The following GPATCH3 variants were observed in gnomAD, a reference collection of about 807,000 sequenced individuals.
GPATCH3 encodes the protein G patch domain-containing protein 3.
GPATCH3 carries 45 observed loss-of-function variants against 53.2 expected under a neutral mutation model. That is an observed-to-expected ratio of 0.85 (90% CI 0.67 to 1.08). GPATCH3 has a LOEUF of 1.08. Among genes scored for constraint, GPATCH3 ranks in the 50% least tolerant of loss-of-function variants. The probability of loss-of-function intolerance (pLI) is 0.00; values close to 1 mark genes in which losing one functional copy is unlikely to be tolerated. For missense variants in GPATCH3, 680 were observed against 687.2 expected, an observed-to-expected ratio of 0.99 and a Z score of 0.12; for synonymous variants, 280 against 270.6, an observed-to-expected ratio of 1.03 and a Z score of -0.34.
Position 26,892,534 on chromosome 1 carries a change from A to C in GPATCH3, c.1238T>G (p.Ile413Ser). 1.9e-6 allele frequency: 3 copies of C among 1,612,194 alleles called. No homozygotes were observed. The East Asian group carries it at 6.7e-5, about 36-fold the overall frequency. The change falls in exon 6 of 7, where the codon ATT (isoleucine) becomes AGT (serine). Residue 413 changes from isoleucine (I) to serine (S), a missense_variant. Coordinates refer to ENST00000361720, the MANE Select transcript of GPATCH3 (RefSeq NM_022078.3). ...CTGCCGCTCCATCACCTTCCGCCCAATGCCCTGCAGAGTGAAGGGACAAGA... is the reference window on the plus strand; with the variant it reads ...CTGCCGCTCCATCACCTTCCGCCCACTGCCCTGCAGAGTGAAGGGACAAGA... ...VGTFERHTKGIGRKVMERQGW... is the reference protein window; with the variant it reads ...VGTFERHTKGSGRKVMERQGW...
At chr1:26,895,910 G>A (rs2081949022) in intron 2 of GPATCH3, among the ~76,000 whole-genome samples, 1 of 152,228 alleles carries the variant, frequency 6.6e-6, no homozygotes, top group African/African-American at 2.4e-5. Flanking sequence ...GATTACAGGT[G>A]TGAGCCACTG....
rs578042270 is a variant in GPATCH3, at chr1:26,894,542, A to G, written c.877-132T>C. Reference sequence around the variant, plus strand: ...TTCAGATTTCTCCAAGAAGCAGCACATATTTGGCCCCTGACCAACACGTCT... The same window carrying G: ...TTCAGATTTCTCCAAGAAGCAGCACGTATTTGGCCCCTGACCAACACGTCT... On this transcript the variant is annotated intron_variant, in intron 2 of 6. Transcript: ENST00000361720. 73 of 864,018 alleles carry G rather than the reference A, an allele frequency of 8.4e-5. No individual in the cohort carries two copies. In the African/African-American group the frequency reaches 1.0e-3, roughly 12 times the overall value. The allele number at this position is 864,018 out of a possible 1,614,324, so 53.5% of individuals were successfully genotyped here.
intron 2 of GPATCH3, among the ~76,000 whole-genome samples, chr1:26,896,635 A>G (rs1313838717): frequency 6.7e-6 from 1 of 149,776 alleles, no homozygotes; most frequent in Non-Finnish European, 1.5e-5. Context: ...CAGGAGGTGG[A>G]GGTTGCAGTG....
rs560330734 is a variant in GPATCH3 at position 26,900,094 on chromosome 1, G to A, written c.349C>T (p.Leu117Phe). 160 of 1,614,194 alleles carry A rather than the reference G, an allele frequency of 9.9e-5. No individual in the cohort carries two copies. The South Asian group carries it at 1.6e-3, about 17-fold the overall frequency. Residue 117 changes from leucine (L) to phenylalanine (F), a missense_variant, in exon 1 of 7, where the codon CTT becomes TTT. Leu to Phe is a conservative substitution (Grantham distance 22). Transcript: ENST00000361720. ...SVRGLAQAQR[L>F]IRMYSGRRWL... The stretch of plus-strand genomic sequence containing the variant: ...CGGCGGCCCGAGTACATGCGAATAA[G>A]CCTCTGAGCTTGAGCCAACCCCCTT...
Position 26,891,090 on chromosome 1 carries a change from T to TGGGTGGC in GPATCH3, c.1491_1497dup (p.Thr500AlafsTer28). 1 of 1,613,998 alleles carries TGGGTGGC rather than the reference T, an allele frequency of 6.2e-7. No individual in the cohort carries two copies. ...ATGTCTGTCCGAAACTTCATGCTGG[T>TGGGTGGC]GGGTGGCTGGCGGCGGAGCAGTGAC... On this transcript the variant is annotated frameshift_variant, in exon 7 of 7. Coordinates refer to ENST00000361720, the MANE Select transcript of GPATCH3 (RefSeq NM_022078.3). LOFTEE classifies it high-confidence loss of function.
chr1:26,891,040 A>G lies in GPATCH3; in HGVS notation c.1548T>C (p.Cys516=), dbSNP rs1180550299. 1 of 1,614,140 alleles carries G rather than the reference A, an allele frequency of 6.2e-7. No individual in the cohort carries two copies. The highest frequency in any genetic ancestry group is 1.3e-5 in the African/African-American group (1 of 75,044). The change falls in exon 7 of 7, where the codon TGT becomes TGC. Residue 516 remains cysteine (C), a synonymous_variant. Transcript: ENST00000361720. ...TDMAFVRGSS[C]ASDSPSLPD ...CAGGCAATGAGGGGCTGTCTGAAGC[A>G]CAACTGGAACCCCTCACAAAGGCCA... is the stretch of plus-strand genomic sequence containing the variant.
intron 4 of GPATCH3, among the ~76,000 whole-genome samples, chr1:26,893,106 C>G (rs928654462): frequency 6.6e-6 from 1 of 152,202 alleles, no homozygotes; most frequent in Non-Finnish European, 1.5e-5. Context: ...CTTACTAGAG[C>G]CTGAGCTTCT....
chr1:26,897,561 T>A lies in GPATCH3; in HGVS notation c.616A>T (p.Ile206Phe). The A allele has an allele frequency of 6.2e-7, 1 of 1,614,124 alleles. No homozygotes were observed. Among genetic ancestry groups the A allele is most frequent in the Middle Eastern group, 1.6e-4 (1 of 6,062 alleles). ...CGAGGGGGTAGGCGGCAGGCCCGGA[T>A]CAACTCCAAAAAGACCCGCAGGGGA... Reference protein sequence around the residue: ...GTPLRVFLELIRACRLPPRII... With the variant: ...GTPLRVFLELFRACRLPPRII... The change falls in exon 2 of 7, where the codon ATC becomes TTC. Residue 206 changes from isoleucine to phenylalanine, a missense_variant. By Grantham distance (21) the Ile-to-Phe change is conservative (BLOSUM62 0). Coordinates refer to ENST00000361720, the MANE Select transcript of GPATCH3 (RefSeq NM_022078.3).
At chr1:26,894,112 G>A (rs749098087) in intron 3 of GPATCH3, 124 bp downstream of exon 3, 1 of 890,232 alleles carries the variant, frequency 1.1e-6, no homozygotes, top group Non-Finnish European at 1.7e-6. Context: ...GTATACAATA[G>A]AGGTCAGCCT....
chr1:26,900,171 G>C lies in GPATCH3; in HGVS notation c.272C>G (p.Thr91Ser). 6.2e-7 allele frequency: 1 copy of C among 1,614,182 alleles called. No homozygotes were observed. The highest frequency in any genetic ancestry group is 8.5e-7 in the Non-Finnish European group (1 of 1,180,038). ...GGTCTGGATTGGAGTAGAGTCTCGA[G>C]TGGAGAGAGGCCGGACATCGGTGGC... is the stretch of plus-strand genomic sequence containing the variant. ...TSATDVRPLS[T>S]RDSTPIQTRT... Residue 91 changes from threonine to serine, a missense_variant, in exon 1 of 7, where the codon ACT (threonine) becomes AGT (serine). Thr to Ser is a moderately conservative substitution (Grantham distance 58). Coordinates refer to ENST00000361720, the MANE Select transcript of GPATCH3 (RefSeq NM_022078.3).
rs568942413 is a variant in GPATCH3, at chr1:26,900,009, A to G, written c.434T>C (p.Leu145Pro). Residue 145 changes from leucine (L) to proline (P), a missense_variant, in exon 1 of 7, where the codon CTA (leucine) becomes CCA (proline). Coordinates refer to ENST00000361720, the MANE Select transcript of GPATCH3 (RefSeq NM_022078.3). ...ACTCTTACCTGATGCCTCCGTAGGT[A>G]GCCGAAGTCTGCGGATGAGACAGCG... ...PGRCLIRRLR[L>P]PTEASGLGSF... 5 of 1,614,124 alleles carry G rather than the reference A, an allele frequency of 3.1e-6. No individual in the cohort carries two copies. Among genetic ancestry groups the G allele is most frequent in the East Asian group, 2.2e-5 (1 of 44,886 alleles).
Position 26,894,367 on chromosome 1 carries a change from T to C in GPATCH3, c.920A>G (p.His307Arg), listed in dbSNP as rs1314351644. The C allele has an allele frequency of 6.2e-7, 1 of 1,614,022 alleles. No individual in the cohort carries two copies. Among genetic ancestry groups the C allele is most frequent in the East Asian group, 2.2e-5 (1 of 44,876 alleles). ...GEEWERHEAL[H>R]EDVTGQERTT... is the part of the protein sequence containing the mutation. ...CCGCTCCTGCCCGGTCACGTCCTCA[T>C]GCAGCGCTTCATGCCGTTCCCATTC... Residue 307 changes from histidine (H) to arginine (R), a missense_variant, in exon 3 of 7, where the codon CAT becomes CGT. Physicochemically the swap from His to Arg is conservative, Grantham distance 29. Transcript: ENST00000361720.
Position 26,891,213 on chromosome 1 carries a change from T to C in GPATCH3, c.1375A>G (p.Lys459Glu). The change falls in exon 7 of 7, where the codon AAG becomes GAG. Residue 459 changes from lysine (K) to glutamate (E), a missense_variant. Transcript: ENST00000361720. The stretch of plus-strand genomic sequence containing the variant: ...TTCAGTTGCCCAAATGGCTGTAGCT[T>C]CTCTCCATGGTACCTGGATAAAAAC... ...CKRGLGYHGE[K>E]LQPFGQLKRP... 1 of 1,612,982 alleles carries C rather than the reference T, an allele frequency of 6.2e-7. No homozygotes were observed. The highest frequency in any genetic ancestry group is 8.5e-7 in the Non-Finnish European group (1 of 1,179,446).
At position 26,892,552 on chromosome 1, in the gene GPATCH3, G is replaced by A. The variant is rs2081932715; in HGVS notation, c.1234-14C>T. ...CCGCCCAATGCCCTGCAGAGTGAAG[G>A]GACAAGACTCAAGAAATGGGGCTCC... On this transcript the variant is annotated splice_polypyrimidine_tract_variant and intron_variant, in intron 5 of 6. Coordinates refer to ENST00000361720, the MANE Select transcript of GPATCH3 (RefSeq NM_022078.3). 1 of 1,607,568 alleles carries A rather than the reference G, an allele frequency of 6.2e-7. No individual in the cohort carries two copies. The highest frequency in any genetic ancestry group is 1.3e-5 in the African/African-American group (1 of 74,800).
intron 3 of GPATCH3, among the ~76,000 whole-genome samples, chr1:26,894,009 G>A (rs2081939705): frequency 6.6e-6 from 1 of 151,948 alleles, no homozygotes; most frequent in South Asian, 2.1e-4. Context: ...CCTTCCTCTG[G>A]GAGGGTTATT....
At chr1:26,897,854 TAGG>T in intron 1 of GPATCH3, 129 bp from the exon 2 acceptor site, 1 of 771,202 alleles carries the variant, frequency 1.3e-6, no homozygotes, top group South Asian at 1.9e-5. Flanking sequence ...AGTAAAAATC[TAGG>T]CCGACACAGT....
rs950546450 is a variant in GPATCH3, at chr1:26,890,733, A to G, written c.*277T>C. 2 of 632,144 alleles carry G rather than the reference A, an allele frequency of 3.2e-6. No individual in the cohort carries two copies. Among genetic ancestry groups the G allele is most frequent in the Non-Finnish European group, 6.0e-6 (2 of 332,694 alleles). The allele number at this position is 632,144 out of a possible 1,614,324, so 39.2% of individuals were successfully genotyped here. Reference sequence around the variant, plus strand: ...ATAGCCTCACTCAACCCAGCTTTTCAAAGTTCTGCAGGAGGCAAAGGGCAA... The same window carrying G: ...ATAGCCTCACTCAACCCAGCTTTTCGAAGTTCTGCAGGAGGCAAAGGGCAA... On this transcript the variant is annotated 3_prime_UTR_variant, in exon 7 of 7. Coordinates refer to ENST00000361720, the MANE Select transcript of GPATCH3 (RefSeq NM_022078.3).
intron 1 of GPATCH3, 119 bp downstream of exon 1, chr1:26,899,873 G>A: frequency 1.2e-6 from 1 of 867,036 alleles, no homozygotes; most frequent in Non-Finnish European, 1.8e-6. Context: ...GCTCTGTCTA[G>A]AATATGAACT....
intron 6 of GPATCH3, 143 bp from the exon 7 acceptor site, chr1:26,891,369 C>T (rs2081924811): frequency 1.6e-6 from 1 of 643,212 alleles, no homozygotes; most frequent in African/African-American, 1.8e-5. Context: ...CTCCAGCCCT[C>T]TTATCTATCC....
Sources: gnomAD v4.1 joint callset for allele counts (sites outside exome capture counted in the v4.1 genomes callset) on GRCh38, gnomAD v4.1.1 for gene constraint, MANE v1.5 for transcripts, NCBI Gene and HGNC (gene_info 2026-07-23, HGNC 2026-07-21) for gene names.